Variants in PDE6D observed in about 807,000 individuals in gnomAD.
PDE6D encodes phosphodiesterase 6D.
In PDE6D, 10 loss-of-function variants were observed where a neutral mutation model predicts 21.9. The observed-to-expected ratio is 0.46, with a 90% CI of 0.28 to 0.78. The LOEUF (loss-of-function observed/expected upper bound fraction) is 0.78. Among genes scored for constraint, PDE6D ranks in the 30% least tolerant of loss-of-function variants. The pLI, the probability that PDE6D is intolerant of heterozygous loss-of-function variation, is 0.12. For missense variants in PDE6D, 139 were observed against 184.8 expected (o/e 0.75, Z 1.44); for synonymous variants, 59 against 63.5 (o/e 0.93, Z 0.34).
At chr2:231,764,492 T>G (rs532845866) in intron 1 of PDE6D, among the ~76,000 whole-genome samples, 16 of 152,276 alleles carry the variant, frequency 1.1e-4, no homozygotes, top group African/African-American at 3.9e-4. Flanking sequence ...ATTAATAGGT[T>G]AAAAGGACAA....
At chr2:231,771,264 C>T (rs182333416) in intron 1 of PDE6D, among the ~76,000 whole-genome samples, 6 of 152,124 alleles carry the variant, frequency 3.9e-5, no homozygotes, top group Admixed American at 3.9e-4. Flanking sequence ...CCACCTTGCT[C>T]AGCCAAGCTG....
chr2:231,742,532 A>G (rs1214230411), intron 1 of PDE6D, among the ~76,000 whole-genome samples: 6 of 152,220 alleles, frequency 3.9e-5, no homozygotes. Context: ...ACAATTGACA[A>G]ACCATTAAAG....
intron 1 of PDE6D, among the ~76,000 whole-genome samples, chr2:231,773,439 A>C (rs1206639057): frequency 1.3e-5 from 2 of 152,224 alleles, no homozygotes. Flanking sequence ...GGAAATAATA[A>C]ACCTCAAATT....
intron 1 of PDE6D, among the ~76,000 whole-genome samples, chr2:231,766,962 C>G (rs1481909096): frequency 6.9e-6 from 1 of 145,308 alleles, no homozygotes; most frequent in Non-Finnish European, 1.5e-5. Flanking sequence ...CCACTGCACT[C>G]CAGCCTGGGT....
At chr2:231,747,183 C>T (rs1281486474) in intron 1 of PDE6D, among the ~76,000 whole-genome samples, 1 of 151,568 alleles carries the variant, frequency 6.6e-6, no homozygotes, top group Non-Finnish European at 1.5e-5. Context: ...CTCCGCCTCC[C>T]GGGTTCAAGC....
intron 1 of PDE6D, among the ~76,000 whole-genome samples, chr2:231,758,347 AG>A (rs2106276796): frequency 6.6e-6 from 1 of 151,810 alleles, no homozygotes; most frequent in African/African-American, 2.4e-5. Flanking sequence ...TATGTTGCCC[AG>A]GCTGGCTCAA....
chr2:231,757,598 T>A (rs2048893198), intron 1 of PDE6D, among the ~76,000 whole-genome samples: 1 of 152,192 alleles, frequency 6.6e-6, no homozygotes, highest in African/African-American at 2.4e-5. Context: ...GGCTAAACAG[T>A]CAATTTCTTA....
chr2:231,764,576 C>A (rs1340592160), intron 1 of PDE6D, among the ~76,000 whole-genome samples: 1 of 152,130 alleles, frequency 6.6e-6, no homozygotes, highest in Non-Finnish European at 1.5e-5. Flanking sequence ...CAACAGGCAA[C>A]CAGGAGGCCA....
chr2:231,757,255 G>C (rs1216014953), intron 1 of PDE6D, among the ~76,000 whole-genome samples: 1 of 151,496 alleles, frequency 6.6e-6, no homozygotes, highest in Non-Finnish European at 1.5e-5. Flanking sequence ...CCCCTCCTGT[G>C]GACCAGGACA....
chr2:231,766,925 C>G (rs1310003956), intron 1 of PDE6D, among the ~76,000 whole-genome samples: 1 of 132,288 alleles, frequency 7.6e-6, no homozygotes, highest in East Asian at 2.5e-4. Flanking sequence ...ATCCGGGAGG[C>G]GGAGGTTGCA....
At chr2:231,744,388 A>G (rs1453967916) in intron 1 of PDE6D, among the ~76,000 whole-genome samples, 5 of 152,090 alleles carry the variant, frequency 3.3e-5, no homozygotes, top group Non-Finnish European at 7.4e-5. Context: ...CACAACATGA[A>G]TGTCTTTTCT....
chr2:231,773,966 C>A (rs2049034232), intron 1 of PDE6D, among the ~76,000 whole-genome samples: 1 of 152,092 alleles, frequency 6.6e-6, no homozygotes, highest in Admixed American at 6.5e-5. Context: ...TGGAGTCTCA[C>A]TCTGTTACCC....
chr2:231,777,685 C>CAA (rs147153722), intron 1 of PDE6D, among the ~76,000 whole-genome samples: 1 of 149,504 alleles, frequency 6.7e-6, no homozygotes, highest in African/African-American at 2.5e-5. Context: ...AGAAATAATC[C>CAA]AAAAAAAAAC....
intron 1 of PDE6D, among the ~76,000 whole-genome samples, chr2:231,764,111 TTG>T (rs1559329015): frequency 1.3e-5 from 2 of 152,150 alleles, no homozygotes; most frequent in African/African-American, 4.8e-5. Context: ...TAGTCTAGTC[TTG>T]TGTGAGTGTT....
intron 1 of PDE6D, among the ~76,000 whole-genome samples, chr2:231,765,300 A>AG (rs1207320736): frequency 5.9e-5 from 9 of 151,790 alleles, no homozygotes; most frequent in Non-Finnish European, 1.3e-4. Flanking sequence ...AAAAAGTGGG[A>AG]GGGGGGCAAC....
chr2:231,747,986 G>GT (rs1284566353), intron 1 of PDE6D, among the ~76,000 whole-genome samples: 45 of 152,214 alleles, frequency 3.0e-4, no homozygotes, highest in Admixed American at 2.9e-3. Context: ...ATGTGGAACT[G>GT]TAAGTCCAAT....
chr2:231,747,602 T>C (rs2048804549), intron 1 of PDE6D, among the ~76,000 whole-genome samples: 1 of 152,226 alleles, frequency 6.6e-6, no homozygotes, highest in Non-Finnish European at 1.5e-5. Flanking sequence ...ATTCTCTTCA[T>C]AGAAGGAAAG....
At chr2:231,769,253 G>A (rs1235457913) in intron 1 of PDE6D, among the ~76,000 whole-genome samples, 2 of 152,238 alleles carry the variant, frequency 1.3e-5, no homozygotes, top group East Asian at 3.8e-4. Flanking sequence ...TGAATGGCCA[G>A]TGAGTGGCAG....
At chr2:231,774,011 G>A (rs1437840013) in intron 1 of PDE6D, among the ~76,000 whole-genome samples, 2 of 152,002 alleles carry the variant, frequency 1.3e-5, no homozygotes, top group East Asian at 3.9e-4. Flanking sequence ...TCGGCTCACT[G>A]CAACCTCCAC....
Sources: allele counts gnomAD v4.1 joint callset (sites outside exome capture counted in the v4.1 genomes callset), GRCh38; gene constraint gnomAD v4.1.1; transcripts MANE v1.5; gene names NCBI Gene and HGNC (gene_info 2026-07-23, HGNC 2026-07-21).